The following STK39 variants were observed in gnomAD, a reference collection of about 807,000 sequenced individuals.
STK39 encodes the protein STE20/SPS1-related proline-alanine-rich protein kinase.
A neutral mutation model predicts 77.8 loss-of-function variants in STK39; 20 were observed. That is an observed-to-expected ratio of 0.26 (90% CI 0.18 to 0.37). The LOEUF is 0.37. STK39 is among the 10% of genes least tolerant of loss of function. STK39 has a pLI of 1.00. For synonymous variants in STK39, 246 were observed against 234.1 expected (o/e 1.05, Z -0.47); for missense variants, 479 against 656.5 (o/e 0.73, Z 2.95).
chr2:168,223,494 G>C (rs2105722789), intron 1 of STK39, among the ~76,000 whole-genome samples: 1 of 131,132 alleles, frequency 7.6e-6, no homozygotes, highest in South Asian at 2.5e-4. Flanking sequence ...CTGGGTGACA[G>C]AGTGAGACTC....
At chr2:168,183,174 A>G (rs897944273) in intron 1 of STK39, among the ~76,000 whole-genome samples, 1 of 152,088 alleles carries the variant, frequency 6.6e-6, no homozygotes, top group Non-Finnish European at 1.5e-5. Context: ...ACAGGGGTGA[A>G]GCTCTGCCCT....
chr2:168,245,486 G>A (rs539712338), intron 1 of STK39, among the ~76,000 whole-genome samples: 1 of 152,184 alleles, frequency 6.6e-6, no homozygotes, highest in Non-Finnish European at 1.5e-5. Context: ...TAAAAAGAGG[G>A]GCAGAAGAAA....
chr2:167,976,704 T>C (rs1242666444), intron 16 of STK39, among the ~76,000 whole-genome samples: 1 of 152,124 alleles, frequency 6.6e-6, no homozygotes, highest in Non-Finnish European at 1.5e-5. Flanking sequence ...TGACCCCCTA[T>C]GATTTTATCT....
At chr2:168,228,843 T>C (rs1054653717) in intron 1 of STK39, among the ~76,000 whole-genome samples, 2 of 152,116 alleles carry the variant, frequency 1.3e-5, no homozygotes, top group South Asian at 4.2e-4. Context: ...GAGATCCAGA[T>C]AACATCTTTT....
intron 1 of STK39, among the ~76,000 whole-genome samples, chr2:168,236,987 T>G (rs1271359273): frequency 1.3e-5 from 2 of 152,108 alleles, no homozygotes; most frequent in Non-Finnish European, 2.9e-5. Context: ...GTGAAGAAAG[T>G]CATTGGTAGC....
Position 168,058,513 on chromosome 2 carries a change from C to T in STK39, c.1376+4987G>A, listed in dbSNP as rs374140228. 5.3e-5 allele frequency among the ~76,000 whole-genome samples: 8 copies of T among 152,268 alleles called. No individual in the cohort carries two copies. The East Asian group carries it at 9.7e-4, about 18-fold the overall frequency. On this transcript the variant is annotated intron_variant, in intron 14 of 17. Coordinates refer to ENST00000355999, the MANE Select transcript of STK39 (RefSeq NM_013233.3). Reference sequence around the variant, plus strand: ...CTGTTCCCAAATTTACATCTCTAGCCGAGACATCTTTGAAATCATGCATCT... The same window carrying T: ...CTGTTCCCAAATTTACATCTCTAGCTGAGACATCTTTGAAATCATGCATCT...
chr2:168,106,332 T>C (rs964707378), intron 10 of STK39, among the ~76,000 whole-genome samples: 3 of 152,224 alleles, frequency 2.0e-5, no homozygotes, highest in African/African-American at 7.2e-5. Context: ...GATGATTCAA[T>C]GAAAAGATAT....
intron 5 of STK39, among the ~76,000 whole-genome samples, chr2:168,141,068 C>T (rs1172186345): frequency 6.6e-6 from 1 of 152,060 alleles, no homozygotes; most frequent in African/African-American, 2.4e-5. Context: ...GCCAACATGC[C>T]CGAGTATGTC....
chr2:168,193,304 C>A (rs143768777), intron 1 of STK39, among the ~76,000 whole-genome samples: 4 of 152,182 alleles, frequency 2.6e-5, no homozygotes, highest in East Asian at 1.9e-4. Flanking sequence ...TTTCTTCCCC[C>A]CCCTCTTCAC....
intron 17 of STK39, among the ~76,000 whole-genome samples, chr2:167,960,907 C>T (rs983863778): frequency 2.6e-5 from 4 of 152,120 alleles, no homozygotes; most frequent in African/African-American, 4.8e-5. Context: ...CTTGTTAAAA[C>T]GGATGCCTGT....
At chr2:168,171,968 G>A (rs565270003) in intron 2 of STK39, among the ~76,000 whole-genome samples, 2 of 150,380 alleles carry the variant, frequency 1.3e-5, no homozygotes, top group East Asian at 2.0e-4. Flanking sequence ...CTGAAGGGCC[G>A]CACTCTATGT....
intron 1 of STK39, among the ~76,000 whole-genome samples, chr2:168,225,968 A>T (rs1173116778): frequency 6.6e-6 from 1 of 152,194 alleles, no homozygotes. Flanking sequence ...TACAGACAGA[A>T]TCCAGCAATT....
intron 5 of STK39, among the ~76,000 whole-genome samples, chr2:168,160,994 T>C (rs771470074): frequency 7.2e-5 from 11 of 152,058 alleles, no homozygotes; most frequent in Non-Finnish European, 1.0e-4. Context: ...TTGATAATTA[T>C]TGAAACTAGG....
intron 10 of STK39, among the ~76,000 whole-genome samples, chr2:168,087,368 A>G (rs1163511440): frequency 2.6e-5 from 4 of 152,220 alleles, no homozygotes; most frequent in African/African-American, 9.6e-5. Context: ...GCTAGTGCCC[A>G]CAGTTACTCC....
intron 10 of STK39, among the ~76,000 whole-genome samples, chr2:168,086,145 G>A (rs1037346656): frequency 6.6e-6 from 1 of 152,194 alleles, no homozygotes; most frequent in Non-Finnish European, 1.5e-5. Flanking sequence ...GATAACGATG[G>A]TGATAAGGGA....
chr2:168,190,933 C>T (rs996372315), intron 1 of STK39, among the ~76,000 whole-genome samples: 1 of 152,230 alleles, frequency 6.6e-6, no homozygotes, highest in Non-Finnish European at 1.5e-5. Context: ...AAACATTCCA[C>T]AAAGAAATGT....
rs1559111273 is a variant in STK39 at position 168,129,606 on chromosome 2, T to G, written c.1024A>C (p.Asn342His). The G allele has an allele frequency of 1.2e-6, 2 of 1,614,050 alleles. No homozygotes were observed. The highest frequency in any genetic ancestry group is 1.7e-6 in the Non-Finnish European group (2 of 1,179,948). Residue 342 changes from asparagine (N) to histidine (H), a missense_variant and splice_region_variant, in exon 10 of 18, where the codon AAC becomes CAC. Around this residue, in one of 3 missense-constraint regions of STK39, gnomAD observed 244 missense variants for 296.8 expected, o/e 0.82. Coordinates refer to ENST00000355999, the MANE Select transcript of STK39 (RefSeq NM_013233.3). ...LKCKFFQKAK[N>H]REYLIEKLLT... ...AGCTTCTCAATCAGGTACTCTCTGT[T>G]CTGCAAAACAAATATTCCCAACAGT...
intron 14 of STK39, among the ~76,000 whole-genome samples, chr2:168,042,455 G>A (rs1025182008): frequency 6.6e-6 from 1 of 152,092 alleles, no homozygotes; most frequent in Non-Finnish European, 1.5e-5. Context: ...ATAGGTTATG[G>A]CACAATTCCT....
chr2:168,019,442 T>C (rs1162291558), intron 14 of STK39, among the ~76,000 whole-genome samples: 1 of 152,184 alleles, frequency 6.6e-6, no homozygotes, highest in Admixed American at 6.5e-5. Context: ...ACATACTGCA[T>C]AGATGGTTCA....
Sources: gnomAD v4.1 joint callset for allele counts (sites outside exome capture counted in the v4.1 genomes callset) on GRCh38, gnomAD v4.1.1 for gene constraint, gnomAD v4.1.1 regional missense constraint, MANE v1.5 for transcripts, NCBI Gene and HGNC (gene_info 2026-07-23, HGNC 2026-07-21) for gene names.